Variants in GPC5 observed in about 807,000 individuals in gnomAD.
GPC5 encodes the protein glypican 5.
In GPC5, 47 loss-of-function variants were observed where a neutral mutation model predicts 53.9. The ratio of observed to expected loss-of-function variants is 0.87; its 90% CI spans 0.69 to 1.11. The LOEUF (loss-of-function observed/expected upper bound fraction) is 1.11. Among genes scored for constraint, GPC5 ranks in the 50% most tolerant of loss-of-function variants. The pLI, the probability that GPC5 is intolerant of heterozygous loss-of-function variation, is 0.00. For synonymous variants in GPC5, 286 were observed against 263.3 expected (o/e 1.09, Z -0.84); for missense variants, 748 against 713.1 (o/e 1.05, Z -0.56).
intron 7 of GPC5, among the ~76,000 whole-genome samples, chr13:92,793,706 C>A (rs1200382434): frequency 1.3e-5 from 2 of 152,052 alleles, no homozygotes; most frequent in Non-Finnish European, 2.9e-5. Context: ...GGGGATATCA[C>A]CACCGATCCC....
At chr13:92,109,505 C>T (rs546158836) in intron 6 of GPC5, among the ~76,000 whole-genome samples, 1 of 152,104 alleles carries the variant, frequency 6.6e-6, no homozygotes, top group Non-Finnish European at 1.5e-5. Context: ...TTCCGTTAGG[C>T]TTTTAGTGAC....
intron 6 of GPC5, among the ~76,000 whole-genome samples, chr13:92,130,783 G>T (rs2041737071): frequency 6.6e-6 from 1 of 151,934 alleles, no homozygotes; most frequent in Non-Finnish European, 1.5e-5. Context: ...TCCTTATATT[G>T]TTGGAGAAGT....
intron 7 of GPC5, among the ~76,000 whole-genome samples, chr13:92,711,890 A>T (rs1179975917): frequency 6.6e-6 from 1 of 152,010 alleles, no homozygotes; most frequent in East Asian, 1.9e-4. Flanking sequence ...TGAAGATACA[A>T]CATATCAAAA....
At chr13:91,794,281 A>G (rs1442670178) in intron 5 of GPC5, among the ~76,000 whole-genome samples, 5 of 152,190 alleles carry the variant, frequency 3.3e-5, no homozygotes, top group Non-Finnish European at 5.9e-5. Flanking sequence ...TTCTAGGGTT[A>G]GAAATTATAA....
chr13:91,777,563 AG>A (rs1175946491), intron 5 of GPC5, among the ~76,000 whole-genome samples: 2 of 152,350 alleles, frequency 1.3e-5, no homozygotes, highest in African/African-American at 4.8e-5. Context: ...TATAGAGATG[AG>A]AGTATGTTCC....
At chr13:91,639,062 T>C (rs536631874) in intron 2 of GPC5, among the ~76,000 whole-genome samples, 1 of 152,238 alleles carries the variant, frequency 6.6e-6, no homozygotes, top group South Asian at 2.1e-4. Flanking sequence ...AAACTTTACC[T>C]TATTTTATTT....
intron 6 of GPC5, among the ~76,000 whole-genome samples, chr13:91,959,922 T>A (rs1367388935): frequency 6.6e-6 from 1 of 151,848 alleles, no homozygotes; most frequent in Non-Finnish European, 1.5e-5. Flanking sequence ...AAGCAAGTTT[T>A]TAACTAGGCA....
chr13:91,419,182 T>C (rs1878436239), intron 1 of GPC5, among the ~76,000 whole-genome samples: 1 of 152,114 alleles, frequency 6.6e-6, no homozygotes, highest in African/African-American at 2.4e-5. Context: ...CTTAATAGTT[T>C]CCAGTTAGCT....
chr13:92,739,264 G>A (rs1444295547), intron 7 of GPC5, among the ~76,000 whole-genome samples: 1 of 152,054 alleles, frequency 6.6e-6, no homozygotes, highest in Non-Finnish European at 1.5e-5. Context: ...ACAAATTGGT[G>A]TGCCTGAACA....
chr13:92,176,468 A>G (rs1194752539), intron 7 of GPC5, among the ~76,000 whole-genome samples: 5 of 152,190 alleles, frequency 3.3e-5, no homozygotes, highest in Admixed American at 3.3e-4. Flanking sequence ...AAGTTAGATA[A>G]GGTTCAACCT....
At chr13:92,145,597 A>G (rs1282298504) in intron 7 of GPC5, among the ~76,000 whole-genome samples, 1 of 152,182 alleles carries the variant, frequency 6.6e-6, no homozygotes. Context: ...ATTACCAAAT[A>G]GATTTCCCTT....
intron 7 of GPC5, among the ~76,000 whole-genome samples, chr13:92,811,019 C>A (rs1877278971): frequency 6.6e-6 from 1 of 151,896 alleles, no homozygotes; most frequent in Non-Finnish European, 1.5e-5. Flanking sequence ...CGTGCCCAGC[C>A]CAGCATAATG....
At chr13:91,474,199 T>C (rs1882794895) in intron 2 of GPC5, among the ~76,000 whole-genome samples, 1 of 152,184 alleles carries the variant, frequency 6.6e-6, no homozygotes, top group Non-Finnish European at 1.5e-5. Context: ...TTGTGCTTTG[T>C]AAATCTATTT....
intron 3 of GPC5, among the ~76,000 whole-genome samples, chr13:91,711,266 T>G (rs1404597376): frequency 6.6e-6 from 1 of 152,104 alleles, no homozygotes; most frequent in Admixed American, 6.5e-5. Flanking sequence ...CACGGAATAC[T>G]ATGCAGCTAA....
At chr13:92,831,966 A>G (rs537089276) in intron 7 of GPC5, among the ~76,000 whole-genome samples, 1 of 152,290 alleles carries the variant, frequency 6.6e-6, no homozygotes, top group East Asian at 1.9e-4. Flanking sequence ...CCATTAATGT[A>G]CAGGTATATG....
intron 1 of GPC5, among the ~76,000 whole-genome samples, chr13:91,412,929 A>G (rs1213788788): frequency 6.6e-6 from 1 of 152,248 alleles, no homozygotes; most frequent in African/African-American, 2.4e-5. Flanking sequence ...CATCTACTAA[A>G]TGATAAATTA....
chr13:91,438,063 G>A lies in GPC5; in HGVS notation c.164-10698G>A, dbSNP rs573695022. On this transcript the variant is annotated intron_variant, in intron 1 of 7. Transcript: ENST00000377067. ...CATTGGTTATTCTAGTTAACCATTC[G>A]TCTAATTTTTTTTCAAGGTTTTTAA... is the stretch of plus-strand genomic sequence containing the variant. Among the ~76,000 whole-genome samples, 21 of 152,116 alleles carry A rather than the reference G, an allele frequency of 1.4e-4. No individual in the cohort carries two copies. The South Asian group carries it at 1.9e-3, about 14-fold the overall frequency.
chr13:91,654,367 A>G (rs1234217909), intron 2 of GPC5, among the ~76,000 whole-genome samples: 2 of 152,196 alleles, frequency 1.3e-5, no homozygotes, highest in Non-Finnish European at 2.9e-5. Context: ...AAATTCACAA[A>G]TATGCTTAAA....
At chr13:92,204,354 C>T (rs866970432) in intron 7 of GPC5, among the ~76,000 whole-genome samples, 12 of 152,142 alleles carry the variant, frequency 7.9e-5, no homozygotes, top group African/African-American at 2.9e-4. Flanking sequence ...ATGGTTTTAA[C>T]TCTTTCTAAG....
Sources: gnomAD v4.1 joint callset for allele counts (sites outside exome capture counted in the v4.1 genomes callset) on GRCh38, gnomAD v4.1.1 for gene constraint, MANE v1.5 for transcripts, NCBI Gene and HGNC (gene_info 2026-07-23, HGNC 2026-07-21) for gene names.